The following NDUFB3 variants were observed in gnomAD, a reference collection of about 807,000 sequenced individuals.
NDUFB3 encodes the protein NADH dehydrogenase [ubiquinone] 1 beta subcomplex subunit 3.
NDUFB3 carries 7 observed loss-of-function variants against 9.0 expected under a neutral mutation model. The observed-to-expected ratio is 0.78, with a 90% CI of 0.44 to 1.46. The LOEUF (loss-of-function observed/expected upper bound fraction) is 1.46. Ranked by LOEUF, NDUFB3 falls within the 40% of genes most tolerant of loss-of-function variation. The pLI is 0.01. For synonymous variants in NDUFB3, 29 were observed against 38.5 expected, an observed-to-expected ratio of 0.75 and a Z score of 0.91; for missense variants, 93 against 115.4, an observed-to-expected ratio of 0.81 and a Z score of 0.89.
intron 2 of NDUFB3, among the ~76,000 whole-genome samples, chr2:201,082,028 G>C (rs747961105): frequency 6.6e-6 from 1 of 151,966 alleles, no homozygotes; most frequent in East Asian, 1.9e-4. Context: ...GTGTTAGCCA[G>C]AATGGTCTCG....
chr2:201,076,762 A>G (rs573034982), intron 1 of NDUFB3, among the ~76,000 whole-genome samples: 3 of 151,812 alleles, frequency 2.0e-5, no homozygotes, highest in South Asian at 4.2e-4. Context: ...TGTCTTTAAT[A>G]TACACTTTTT....
chr2:201,080,398 G>A (rs923771550), intron 2 of NDUFB3, among the ~76,000 whole-genome samples: 1 of 152,012 alleles, frequency 6.6e-6, no homozygotes, highest in Non-Finnish European at 1.5e-5. Context: ...GGGAGACTTT[G>A]TCTCTACAAA....
At chr2:201,074,969 A>C (rs2125531215) in intron 1 of NDUFB3, among the ~76,000 whole-genome samples, 1 of 152,284 alleles carries the variant, frequency 6.6e-6, no homozygotes, top group African/African-American at 2.4e-5. Flanking sequence ...ACTAGTGCAA[A>C]GTAGGAGAAT....
At chr2:201,076,910 G>T (rs562525759) in intron 1 of NDUFB3, among the ~76,000 whole-genome samples, 1 of 152,242 alleles carries the variant, frequency 6.6e-6, no homozygotes, top group South Asian at 2.1e-4. Flanking sequence ...AGACCAGCCT[G>T]ACCAACATGG....
At chr2:201,076,293 T>C (rs534244579) in intron 1 of NDUFB3, among the ~76,000 whole-genome samples, 1 of 151,800 alleles carries the variant, frequency 6.6e-6, no homozygotes, top group Non-Finnish European at 1.5e-5. Context: ...AAGGATCACT[T>C]GAGGCCAGGA....
At chr2:201,075,361 C>G (rs181483470) in intron 1 of NDUFB3, among the ~76,000 whole-genome samples, 1 of 151,686 alleles carries the variant, frequency 6.6e-6, no homozygotes, top group Non-Finnish European at 1.5e-5. Flanking sequence ...GTCAGGAGAT[C>G]GAGACCATCC....
intron 1 of NDUFB3, among the ~76,000 whole-genome samples, chr2:201,072,951 T>C (rs902346412): frequency 2.0e-5 from 3 of 152,138 alleles, no homozygotes; most frequent in Non-Finnish European, 4.4e-5. Context: ...GTTACTACAA[T>C]GATTTGTGTC....
rs534968379 is a variant in NDUFB3 at position 201,085,443 on chromosome 2, CT to C, written c.141-5del. The stretch of plus-strand genomic sequence containing the variant: ...ACGTTGTGTATGATTATAATTTTTT[CT>C]TTTTTTTTTTCTAGCAATGAAGCTT... On this transcript the variant is annotated splice_polypyrimidine_tract_variant and intron_variant, in intron 2 of 2. Coordinates refer to ENST00000237889, the MANE Select transcript of NDUFB3 (RefSeq NM_002491.3). 16,640 of 1,119,210 alleles carry C rather than the reference CT, an allele frequency of 0.015. No individual in the cohort carries two copies. Among genetic ancestry groups the C allele is most frequent in the South Asian group, 0.027 (1,619 of 60,936 alleles). 69.3% of individuals were successfully genotyped at this position (1,119,210 alleles called of 1,614,324 possible). A position where few individuals can be genotyped will look rare whatever the true frequency, so the allele number is the denominator to read the frequency against.
At chr2:201,074,211 C>A (rs2047133405) in intron 1 of NDUFB3, among the ~76,000 whole-genome samples, 2 of 152,202 alleles carry the variant, frequency 1.3e-5, no homozygotes, top group South Asian at 4.1e-4. Context: ...CCTCAGCCTC[C>A]CAAAGTGCTG....
chr2:201,074,394 C>CT (rs972053012), intron 1 of NDUFB3, among the ~76,000 whole-genome samples: 4 of 150,488 alleles, frequency 2.7e-5, no homozygotes, highest in Non-Finnish European at 5.9e-5. Flanking sequence ...TGGACAGTGT[C>CT]TATCTAGAAT....
intron 1 of NDUFB3, among the ~76,000 whole-genome samples, chr2:201,078,280 C>T (rs955219442): frequency 1.8e-4 from 27 of 151,770 alleles, no homozygotes; most frequent in African/African-American, 6.5e-4. Context: ...CCAGCCTGAG[C>T]GACAGAGCGA....
rs563731457 is a variant in NDUFB3 at position 201,080,521 on chromosome 2, G to T, written c.140+1499G>T. Among the ~76,000 whole-genome samples, 5 of 152,182 alleles carry T rather than the reference G, an allele frequency of 3.3e-5. No individual in the cohort carries two copies. In the South Asian group the frequency reaches 8.3e-4, roughly 25 times the overall value. ...GGATGTCCAGGCGGCAGTGAGCCAA[G>T]ATCTGGCCACTGCACTCCAACCTGG... On this transcript the variant is annotated intron_variant, in intron 2 of 2. Coordinates refer to ENST00000237889, the MANE Select transcript of NDUFB3 (RefSeq NM_002491.3).
Position 201,085,535 on chromosome 2 carries a change from T to C in NDUFB3, c.217T>C (p.Trp73Arg). Residue 73 changes from tryptophan (W) to arginine (R), a missense_variant, in exon 3 of 3, where the codon TGG (tryptophan) becomes CGG (arginine). Physicochemically the swap from Trp to Arg is moderately radical, Grantham distance 101 (BLOSUM62 -3). Coordinates refer to ENST00000237889, the MANE Select transcript of NDUFB3 (RefSeq NM_002491.3). ...FSDVFFKGFK[W>R]GFAAFVVAVG... ...TGATGTATTCTTTAAAGGATTCAAA[T>C]GGGGATTTGCTGCATTTGTGGTAGC... is the stretch of plus-strand genomic sequence containing the variant. The C allele has an allele frequency of 1.2e-6, 2 of 1,613,116 alleles. No homozygotes were observed. The highest frequency in any genetic ancestry group is 8.5e-7 in the Non-Finnish European group (1 of 1,179,360).
intron 2 of NDUFB3, among the ~76,000 whole-genome samples, chr2:201,083,193 G>C (rs2047249160): frequency 6.6e-6 from 1 of 152,076 alleles, no homozygotes; most frequent in Admixed American, 6.6e-5. Context: ...TTGAATGAAA[G>C]TGGTGGACGT....
chr2:201,082,778 A>G (rs1044347124), intron 2 of NDUFB3, among the ~76,000 whole-genome samples: 5 of 144,710 alleles, frequency 3.5e-5, no homozygotes, highest in African/African-American at 1.0e-4. Flanking sequence ...CAGTGGCGCA[A>G]TCTCGGCTCA....
intron 2 of NDUFB3, among the ~76,000 whole-genome samples, chr2:201,080,652 A>G (rs2047211967): frequency 6.7e-6 from 1 of 149,860 alleles, no homozygotes; most frequent in Non-Finnish European, 1.5e-5. Flanking sequence ...GTCCACCCTT[A>G]TGCCAATACC....
rs768388896 is a variant in NDUFB3 at position 201,078,985 on chromosome 2, A to T, written c.103A>T (p.Lys35Ter). The change falls in exon 2 of 3, where the codon AAG becomes TAG. Residue 35 changes from lysine (K) to a stop codon, truncating the protein, a stop_gained. Transcript: ENST00000237889. LOFTEE classifies it high-confidence loss of function. The part of the protein sequence containing the change: ...EGTPLETIQK[K>*]LAAKGLRDPW... The stretch of plus-strand genomic sequence containing the variant: ...GACACCATTAGAAACTATCCAGAAG[A>T]AGCTGGCTGCAAAAGGGCTAAGGGA... 1 of 1,613,262 alleles carries T rather than the reference A, an allele frequency of 6.2e-7. No homozygotes were observed. Among genetic ancestry groups the T allele is most frequent in the Non-Finnish European group, 8.5e-7 (1 of 1,179,772 alleles).
intron 1 of NDUFB3, among the ~76,000 whole-genome samples, chr2:201,078,327 G>A (rs2047188112): frequency 1.3e-5 from 2 of 151,998 alleles, no homozygotes; most frequent in Admixed American, 6.6e-5. Context: ...GAAGAAGTTA[G>A]GAGCAGGGTT....
chr2:201,082,738 A>G (rs368552219), intron 2 of NDUFB3, among the ~76,000 whole-genome samples: 6,114 of 113,474 alleles, frequency 0.054, 361 homozygotes, highest in African/African-American at 0.16. Flanking sequence ...ACGGAGTCTC[A>G]CTCTGTCGCC....
Sources: allele counts gnomAD v4.1 joint callset (sites outside exome capture counted in the v4.1 genomes callset), GRCh38; gene constraint gnomAD v4.1.1; transcripts MANE v1.5; gene names NCBI Gene and HGNC (gene_info 2026-07-23, HGNC 2026-07-21).